Variants in ZNF217 observed in about 807,000 individuals in gnomAD.
ZNF217 encodes the protein zinc finger protein 217.
ZNF217 carries 12 observed loss-of-function variants against 73.3 expected under a neutral mutation model. That is an observed-to-expected ratio of 0.16 (90% CI 0.10 to 0.27). The LOEUF (loss-of-function observed/expected upper bound fraction) is 0.27. Ranked by LOEUF, ZNF217 falls within the 10% of genes least tolerant of loss-of-function variation. The pLI is 1.00. For missense variants in ZNF217, 1,195 were observed against 1,327.8 expected, an observed-to-expected ratio of 0.90 and a Z score of 1.55; for synonymous variants, 588 against 516.4, an observed-to-expected ratio of 1.14 and a Z score of -1.88.
chr20:53,586,274 C>T lies in ZNF217; in HGVS notation c.-342-3106G>A, dbSNP rs560197264. On this transcript the variant is annotated intron_variant, in intron 1 of 5. Coordinates refer to ENST00000371471, the MANE Select transcript of ZNF217 (RefSeq NM_006526.3). ...AGCACACGTGTAGAATCAGTACACACGTTTGGCCACAGTCACTAACCGTAA... is the reference window on the plus strand; with the variant it reads ...AGCACACGTGTAGAATCAGTACACATGTTTGGCCACAGTCACTAACCGTAA... 7.9e-5 allele frequency among the ~76,000 whole-genome samples: 12 copies of T among 152,260 alleles called. No homozygotes were observed. The South Asian group carries it at 1.9e-3, about 24-fold the overall frequency.
At position 53,581,461 on chromosome 20, in the gene ZNF217, C is replaced by G; in HGVS notation, c.1366G>C (p.Asp456His). The change falls in exon 2 of 6, where the codon GAT (aspartate) becomes CAT (histidine). Residue 456 changes from aspartate (D) to histidine (H), a missense_variant and splice_region_variant. Transcript: ENST00000371471. The surrounding 1 kb of genome is among the most constrained non-coding windows in gnomAD (Gnocchi z 4.9). ...EDGLPEGIHL[D>H]KNDDGGKIKH... ...ACGGGACGGAGACAGGGCAGCTTAC[C>G]CAGATGGATTCCTTCGGGAAGCCCA... The G allele has an allele frequency of 4.4e-6, 7 of 1,604,768 alleles. No homozygotes were observed. Among genetic ancestry groups the G allele is most frequent in the Non-Finnish European group, 6.0e-6 (7 of 1,173,758 alleles).
At chr20:53,594,504 C>G (rs1176661072), upstream of ZNF217, among the ~76,000 whole-genome samples, 3 of 151,580 alleles carry the variant, frequency 2.0e-5, no homozygotes, top group East Asian at 3.9e-4. Context: ...TCCCAGTTCT[C>G]GCTCGGCGAC....
At chr20:53,588,038 A>G (rs10485444) in intron 1 of ZNF217, among the ~76,000 whole-genome samples, 8,627 of 152,276 alleles carry the variant, frequency 0.057, 359 homozygotes, top group East Asian at 0.15. Flanking sequence ...TGGAATATTC[A>G]AAGTTTAAGG....
rs1312526981 is a variant in ZNF217, at chr20:53,585,089, G to A, written c.-342-1921C>T. 4.1e-3 allele frequency among the ~76,000 whole-genome samples: 144 copies of A among 34,750 alleles called. 1 individual carries two copies. The highest frequency in any genetic ancestry group is 0.015 in the South Asian group (14 of 920). 22.8% of individuals were successfully genotyped at this position (34,750 alleles called of 152,430 possible). A position where few individuals can be genotyped will look rare whatever the true frequency, so the allele number is the denominator to read the frequency against. ...ATTTAGCAAAATCAAAGTTCAGTGA[G>A]AATTTGAAAAAAAAAAAAAAAAAAA... On this transcript the variant is annotated intron_variant, in intron 1 of 5. Coordinates refer to ENST00000371471, the MANE Select transcript of ZNF217 (RefSeq NM_006526.3).
rs1251846234 is a variant in ZNF217 at position 53,582,963 on chromosome 20, A to G, written c.-137T>C. ...ATTATAAAAGTTCAAAAGAAAGTGT[A>G]TAGTCCTCTAACTTCTTCGAACTTT... On this transcript the variant is annotated 5_prime_UTR_variant, in exon 2 of 6. Transcript: ENST00000371471. The surrounding 1 kb of genome is among the most constrained non-coding windows in gnomAD (Gnocchi z 4.8). The G allele has an allele frequency of 9.0e-5, 83 of 920,992 alleles. 2 individuals are homozygous for G. The highest frequency in any genetic ancestry group is 7.8e-5 in the East Asian group (3 of 38,506). 57.1% of individuals were successfully genotyped at this position (920,992 alleles called of 1,614,324 possible). A position where few individuals can be genotyped will look rare whatever the true frequency, so the allele number is the denominator to read the frequency against.
Position 53,581,403 on chromosome 20 carries a change from G to A in ZNF217, c.1366+58C>T, listed in dbSNP as rs1245077001. Reference sequence around the variant, plus strand: ...CTGGAGATGGGAATAGAGAGGGGGAGACGGGGAGACAGACAGACACAGGCG... The same window carrying A: ...CTGGAGATGGGAATAGAGAGGGGGAAACGGGGAGACAGACAGACACAGGCG... On this transcript the variant is annotated intron_variant, in intron 2 of 5. Transcript: ENST00000371471. The surrounding 1 kb of genome is among the most constrained non-coding windows in gnomAD (Gnocchi z 4.9). 9.2e-6 allele frequency: 14 copies of A among 1,528,910 alleles called. No individual in the cohort carries two copies. Among genetic ancestry groups the A allele is most frequent in the African/African-American group, 1.4e-5 (1 of 70,612 alleles). 94.7% of individuals were successfully genotyped at this position (1,528,910 alleles called of 1,614,324 possible). A position where few individuals can be genotyped will look rare whatever the true frequency, so the allele number is the denominator to read the frequency against.
Position 53,593,457 on chromosome 20 carries a change from C to A in ZNF217, c.-343+299G>T, listed in dbSNP as rs1384264289. Among the ~76,000 whole-genome samples, 9 of 151,348 alleles carry A rather than the reference C, an allele frequency of 5.9e-5. No homozygotes were observed. The East Asian group carries it at 1.8e-3, about 30-fold the overall frequency. On this transcript the variant is annotated intron_variant, in intron 1 of 5. Coordinates refer to ENST00000371471, the MANE Select transcript of ZNF217 (RefSeq NM_006526.3). ...CCGCCCACCCCCGCAGACCCCCGCT[C>A]CCGGCGGAGATTCAGGGAACCCCGC...
At chr20:53,569,467 C>G (rs900837071) in intron 5 of ZNF217, among the ~76,000 whole-genome samples, 6 of 152,190 alleles carry the variant, frequency 3.9e-5, no homozygotes, top group African/African-American at 1.4e-4. Context: ...ACTGCAACCT[C>G]TACCTCCCAG....
chr20:53,571,702 A>C lies in ZNF217; in HGVS notation c.*23+19T>G. 1 of 1,603,682 alleles carries C rather than the reference A, an allele frequency of 6.2e-7. No homozygotes were observed. Among genetic ancestry groups the C allele is most frequent in the Middle Eastern group, 1.7e-4 (1 of 6,034 alleles). On this transcript the variant is annotated intron_variant, in intron 5 of 5. Coordinates refer to ENST00000371471, the MANE Select transcript of ZNF217 (RefSeq NM_006526.3). ...CGCACTCAGCCAATCCAGTGTTTTT[A>C]ATTGAAACATATGCTCACCTTTTTT...
chr20:53,588,848 T>A (rs1988789722), intron 1 of ZNF217, among the ~76,000 whole-genome samples: 1 of 152,208 alleles, frequency 6.6e-6, no homozygotes, highest in Non-Finnish European at 1.5e-5. Flanking sequence ...CTCTTTCCAG[T>A]CACCTGTTTG....
In ZNF217 at chr20:53,581,789, T is replaced by C. The variant is rs1568687000; in HGVS notation, c.1038A>G (p.Gln346=). 3.1e-6 allele frequency: 5 copies of C among 1,614,124 alleles called. No individual in the cohort carries two copies. Among genetic ancestry groups the C allele is most frequent in the Non-Finnish European group, 4.2e-6 (5 of 1,180,052 alleles). The part of the protein sequence containing the change: ...TNKGSCAGLS[Q]EKEKCKHSHG... ...GGGAGTGTTTGCACTTCTCTTTCTC[T>C]TGCGAGAGGCCTGCACAACTGCCCT... Residue 346 remains glutamine, a synonymous_variant, in exon 2 of 6, where the codon CAA becomes CAG. Transcript: ENST00000371471. This position sits in a 1 kb window ranked among gnomAD's most constrained non-coding sequence, Gnocchi z 4.9.
At chr20:53,570,804 C>T (rs370596735) in intron 5 of ZNF217, among the ~76,000 whole-genome samples, 2 of 152,166 alleles carry the variant, frequency 1.3e-5, no homozygotes, top group Non-Finnish European at 2.9e-5. Flanking sequence ...TAAACTAGAA[C>T]GTTGGGCATA....
In ZNF217 at chr20:53,582,001, G is replaced by T. The variant is rs966888410; in HGVS notation, c.826C>A (p.His276Asn). 2 of 1,614,218 alleles carry T rather than the reference G, an allele frequency of 1.2e-6. No homozygotes were observed. The highest frequency in any genetic ancestry group is 2.7e-5 in the African/African-American group (2 of 75,054). ...ACAGGCTTCTTCCCCGTTTCAGGGTGAGATTTTGGTCTCAAGTTGAACAAC... is the reference window on the plus strand; with the variant it reads ...ACAGGCTTCTTCCCCGTTTCAGGGTTAGATTTTGGTCTCAAGTTGAACAAC... ...LQLFNLRPKS[H>N]PETGKKPVRC... The change falls in exon 2 of 6, where the codon CAC becomes AAC. Residue 276 changes from histidine to asparagine, a missense_variant. His to Asn is a moderately conservative substitution (Grantham distance 68, BLOSUM62 1). Coordinates refer to ENST00000371471, the MANE Select transcript of ZNF217 (RefSeq NM_006526.3). The surrounding 1 kb of genome is among the most constrained non-coding windows in gnomAD (Gnocchi z 4.8).
rs183635006 is a variant in ZNF217, at chr20:53,587,992, G to A, written c.-342-4824C>T. Among the ~76,000 whole-genome samples, 171 of 152,018 alleles carry A rather than the reference G, an allele frequency of 1.1e-3. 1 individual carries two copies. Among genetic ancestry groups the A allele is most frequent in the African/African-American group, 4.0e-3 (166 of 41,442 alleles). On this transcript the variant is annotated intron_variant, in intron 1 of 5. Transcript: ENST00000371471. Reference sequence around the variant, plus strand: ...AACCCAACTTTCCTAATTTAGCTGTGGAAAGATGCTTCCAAGTTAAGCGAA... The same window carrying A: ...AACCCAACTTTCCTAATTTAGCTGTAGAAAGATGCTTCCAAGTTAAGCGAA...
rs756695641 is a variant in ZNF217 at position 53,581,812 on chromosome 20, C to T, written c.1015G>A (p.Gly339Ser). Residue 339 changes from glycine (G) to serine (S), a missense_variant, in exon 2 of 6, where the codon GGC becomes AGC. This residue lies in a region of ZNF217 where 102 missense variants were observed against 91.9 expected (regional missense o/e 1.11). Coordinates refer to ENST00000371471, the MANE Select transcript of ZNF217 (RefSeq NM_006526.3). The surrounding 1 kb of genome is among the most constrained non-coding windows in gnomAD (Gnocchi z 4.9). ...SEKELGETNKGSCAGLSQEKE... is the reference protein window; with the variant it reads ...SEKELGETNKSSCAGLSQEKE... ...TCTTGCGAGAGGCCTGCACAACTGC[C>T]CTTATTTGTTTCTCCAAGCTCCTTC... is the stretch of plus-strand genomic sequence containing the variant. 3.3e-5 allele frequency: 54 copies of T among 1,614,088 alleles called. No individual in the cohort carries two copies. The highest frequency in any genetic ancestry group is 6.7e-5 in the Admixed American group (4 of 60,014).
At chr20:53,596,772 G>C (rs1274823116), upstream of ZNF217, among the ~76,000 whole-genome samples, 1 of 151,888 alleles carries the variant, frequency 6.6e-6, no homozygotes, top group Non-Finnish European at 1.5e-5. Flanking sequence ...CTCTAAAGGA[G>C]TCAGGTGCTA....
chr20:53,579,488 CA>C (rs1414933200), intron 2 of ZNF217, among the ~76,000 whole-genome samples: 1 of 152,162 alleles, frequency 6.6e-6, no homozygotes, highest in African/African-American at 2.4e-5. Context: ...ATCAATTCCC[CA>C]AATACAGAAT....
At chr20:53,574,129 G>A (rs1988138575) in intron 4 of ZNF217, among the ~76,000 whole-genome samples, 2 of 152,012 alleles carry the variant, frequency 1.3e-5, no homozygotes. Context: ...TAAATGCTAT[G>A]TAAATAGTTG....
In ZNF217 at chr20:53,576,405, G is replaced by A. The variant is rs375003584; in HGVS notation, c.2359C>T (p.Leu787=). The A allele has an allele frequency of 1.5e-5, 25 of 1,614,126 alleles. No individual in the cohort carries two copies. Among genetic ancestry groups the A allele is most frequent in the Non-Finnish European group, 2.0e-5 (24 of 1,180,056 alleles). The change falls in exon 4 of 6, where the codon CTG becomes TTG. Residue 787 remains leucine (L), a synonymous_variant. Transcript: ENST00000371471. ...CTCTGCTTCCCCTTCGCAGATGGCA[G>A]GGATTTGGACTGCGCCGGGAAAGCA... ...KSAFPAQSKS[L]PSAKGKQSPP...
Sources: gnomAD v4.1 joint callset for allele counts (sites outside exome capture counted in the v4.1 genomes callset) on GRCh38, gnomAD v4.1.1 for gene constraint, gnomAD v4.1.1 regional missense constraint, Gnocchi (gnomAD v3.1) non-coding constraint, MANE v1.5 for transcripts, NCBI Gene and HGNC (gene_info 2026-07-23, HGNC 2026-07-21) for gene names.